ABLIM1: variants seen among roughly 807,000 people sequenced by gnomAD.
ABLIM1 encodes the protein actin-binding LIM protein 1.
In ABLIM1, 40 loss-of-function variants were observed where a neutral mutation model predicts 107.0. That is an observed-to-expected ratio of 0.37 (90% confidence interval 0.29 to 0.49). The LOEUF is 0.49. Among genes scored for constraint, ABLIM1 ranks in the 20% least tolerant of loss-of-function variants. ABLIM1 has a pLI of 0.97. For missense variants in ABLIM1, 857 were observed against 1,008.5 expected, an observed-to-expected ratio of 0.85 and a Z score of 2.04; for synonymous variants, 357 against 357.3, an observed-to-expected ratio of 1.00 and a Z score of 0.01.
At chr10:114,450,992 G>A (rs983706971) in intron 14 of ABLIM1, among the ~76,000 whole-genome samples, 1 of 152,246 alleles carries the variant, frequency 6.6e-6, no homozygotes, top group Non-Finnish European at 1.5e-5. Flanking sequence ...ATCCACGTTA[G>A]TGATTCTTAG....
chr10:114,795,069 T>C, the ABLIM1 span, among the ~76,000 whole-genome samples: 2 of 152,170 alleles, frequency 1.3e-5, no homozygotes, highest in Non-Finnish European at 2.9e-5. Context: ...TAGTTCTATT[T>C]TTAAGGAAGA....
chr10:114,747,992 A>G (rs951292438), intron 1 of ABLIM1, among the ~76,000 whole-genome samples: 3 of 152,222 alleles, frequency 2.0e-5, no homozygotes, highest in Admixed American at 6.5e-5. Flanking sequence ...ATGAGCCAAG[A>G]TGGGGCCATC....
At chr10:114,723,645 C>G (rs1380053168) in intron 1 of ABLIM1, among the ~76,000 whole-genome samples, 1 of 152,238 alleles carries the variant, frequency 6.6e-6, no homozygotes. Flanking sequence ...ACTGCTTTTG[C>G]AGCCCGCCTG....
chr10:114,534,110 A>G (rs1161241405), intron 6 of ABLIM1, among the ~76,000 whole-genome samples: 1 of 152,154 alleles, frequency 6.6e-6, no homozygotes, highest in Non-Finnish European at 1.5e-5. Flanking sequence ...GCACCCTGGA[A>G]TCAATCATTT....
At chr10:114,490,871 A>G (rs1329161777) in intron 7 of ABLIM1, among the ~76,000 whole-genome samples, 4 of 148,604 alleles carry the variant, frequency 2.7e-5, no homozygotes, top group Non-Finnish European at 5.9e-5. Flanking sequence ...GTCTCGCTAT[A>G]TTGCCCAGGC....
In ABLIM1 at chr10:114,658,124, C is replaced by A; in HGVS notation, c.77G>T (p.Arg26Ile). The A allele has an allele frequency of 4.3e-6, 7 of 1,614,190 alleles. No individual in the cohort carries two copies. Among genetic ancestry groups the A allele is most frequent in the Non-Finnish European group, 5.9e-6 (7 of 1,180,004 alleles). Residue 26 changes from arginine (R) to isoleucine (I), a missense_variant, in exon 1 of 23, where the codon AGA becomes ATA. This residue lies in a region of ABLIM1 where 176 missense variants were observed against 173.5 expected (regional missense o/e 1.01). Coordinates refer to ENST00000533213, the MANE Select transcript of ABLIM1 (RefSeq NM_002313.7). ...TCTGTTCGAGCCCCTGGCACTGGTT[C>A]TCTCAGATGAGGTGACTTTGCTTTT... ...SEKSKVTSSERTSARGSNRKR... is the reference protein window; with the variant it reads ...SEKSKVTSSEITSARGSNRKR...
At chr10:114,733,644 T>C (rs2082121321) in intron 1 of ABLIM1, among the ~76,000 whole-genome samples, 2 of 152,136 alleles carry the variant, frequency 1.3e-5, no homozygotes, top group South Asian at 2.1e-4. Flanking sequence ...AATCAATTAA[T>C]AACATCCAGA....
intron 6 of ABLIM1, among the ~76,000 whole-genome samples, chr10:114,543,957 C>T (rs2067004116): frequency 6.6e-6 from 1 of 152,332 alleles, no homozygotes; most frequent in South Asian, 2.1e-4. Context: ...CAATGCTGGC[C>T]CCTCTGTGCT....
intron 1 of ABLIM1, among the ~76,000 whole-genome samples, chr10:114,617,519 C>T (rs1332210549): frequency 6.6e-6 from 1 of 151,958 alleles, no homozygotes; most frequent in African/African-American, 2.4e-5. Context: ...CCACCCGCCT[C>T]GCCCTCCCAA....
At chr10:114,697,220 A>G (rs1566249672) in intron 1 of ABLIM1, among the ~76,000 whole-genome samples, 1 of 151,914 alleles carries the variant, frequency 6.6e-6, no homozygotes, top group Non-Finnish European at 1.5e-5. Context: ...TCCTTCCCAC[A>G]CTCCGCTCAT....
chr10:114,607,126 G>A (rs191071769), intron 1 of ABLIM1, among the ~76,000 whole-genome samples: 281 of 152,272 alleles, frequency 1.8e-3, no homozygotes, highest in Middle Eastern at 3.4e-3. Flanking sequence ...GCAGTGGTGC[G>A]ATCTTGGCTC....
chr10:114,789,586 T>G, the ABLIM1 span, among the ~76,000 whole-genome samples: 1 of 152,196 alleles, frequency 6.6e-6, no homozygotes, highest in Non-Finnish European at 1.5e-5. Context: ...CTCATCAGCA[T>G]CTGTTATTTT....
intron 2 of ABLIM1, among the ~76,000 whole-genome samples, chr10:114,588,227 T>A (rs2139489579): frequency 6.6e-6 from 1 of 152,230 alleles, no homozygotes; most frequent in African/African-American, 2.4e-5. Flanking sequence ...TTGCTCCTCC[T>A]CAGAATCACA....
intron 2 of ABLIM1, among the ~76,000 whole-genome samples, chr10:114,588,243 C>T (rs1266285493): frequency 6.6e-6 from 1 of 152,132 alleles, no homozygotes; most frequent in Non-Finnish European, 1.5e-5. Context: ...TCACAGGGCA[C>T]ACCTGGGTAC....
At chr10:114,479,054 A>G (rs892037596) in intron 8 of ABLIM1, among the ~76,000 whole-genome samples, 10 of 152,168 alleles carry the variant, frequency 6.6e-5, no homozygotes, top group Admixed American at 6.5e-4. Context: ...TAGTTGTTTG[A>G]TGTTACATGA....
At chr10:114,464,080 T>C (rs2064561823) in intron 12 of ABLIM1, among the ~76,000 whole-genome samples, 1 of 152,148 alleles carries the variant, frequency 6.6e-6, no homozygotes, top group African/African-American at 2.4e-5. Context: ...TCAGGGGTCT[T>C]TGGAACAACA....
chr10:114,679,750 G>C (rs1277173794), intron 1 of ABLIM1, among the ~76,000 whole-genome samples: 1 of 151,546 alleles, frequency 6.6e-6, no homozygotes, highest in African/African-American at 2.4e-5. Flanking sequence ...TTCTGGAACA[G>C]AAATGCCCCA....
intron 12 of ABLIM1, among the ~76,000 whole-genome samples, chr10:114,457,494 T>G (rs979718924): frequency 3.9e-5 from 6 of 152,022 alleles, no homozygotes; most frequent in Non-Finnish European, 7.4e-5. Context: ...GATCTCAAAC[T>G]CCTGACCTCA....
At chr10:114,473,995 G>T in intron 8 of ABLIM1, 39 bp from the exon 9 acceptor site, 1 of 1,530,486 alleles carries the variant, frequency 6.5e-7, no homozygotes, top group Non-Finnish European at 9.0e-7. Context: ...TTCGGACCCT[G>T]GCTTCAGAAT....
Sources: allele counts gnomAD v4.1 joint callset (sites outside exome capture counted in the v4.1 genomes callset), GRCh38; gene constraint gnomAD v4.1.1; regional missense constraint gnomAD v4.1.1; transcripts MANE v1.5; gene names NCBI Gene and HGNC (gene_info 2026-07-23, HGNC 2026-07-21).